ZBTB20: variants seen among roughly 807,000 people sequenced by gnomAD.
ZBTB20 encodes zinc finger and BTB domain-containing protein 20.
ZBTB20 carries 9 observed loss-of-function variants against 56.9 expected under a neutral mutation model. The observed-to-expected ratio is 0.16, with a 90% CI of 0.10 to 0.28. The LOEUF (loss-of-function observed/expected upper bound fraction) is 0.28. ZBTB20 is among the 10% of genes least tolerant of loss of function. The pLI is 1.00. For synonymous variants in ZBTB20, 417 were observed against 420.7 expected, an observed-to-expected ratio of 0.99 and a Z score of 0.11; for missense variants, 655 against 1,003.0, an observed-to-expected ratio of 0.65 and a Z score of 4.69.
chr3:114,504,951 C>G (rs1202635915), intron 6 of ZBTB20, among the ~76,000 whole-genome samples: 4 of 152,202 alleles, frequency 2.6e-5, no homozygotes. Flanking sequence ...CTAAATTACA[C>G]TACCTTTAGG....
rs1458797263 is a variant in ZBTB20, at chr3:114,315,449, A to T, written c.*23556T>A. The T allele has an allele frequency of 1.3e-5, 2 of 152,180 alleles. No individual in the cohort carries two copies. Among genetic ancestry groups the T allele is most frequent in the African/African-American group, 4.8e-5 (2 of 41,438 alleles). 9.4% of individuals were successfully genotyped at this position (152,180 alleles called of 1,614,324 possible). A position where few individuals can be genotyped will look rare whatever the true frequency, so the allele number is the denominator to read the frequency against. On this transcript the variant is annotated 3_prime_UTR_variant, in exon 12 of 12. Coordinates refer to ENST00000675478, the MANE Select transcript of ZBTB20 (RefSeq NM_001348800.3). ...ATAAACAGTGACACACAGACACTGGAAACACCACTTGAATGAATGAATGAA... is the reference window on the plus strand; with the variant it reads ...ATAAACAGTGACACACAGACACTGGTAACACCACTTGAATGAATGAATGAA...
intron 7 of ZBTB20, among the ~76,000 whole-genome samples, chr3:114,438,422 A>AG (rs2090671462): frequency 8.1e-6 from 1 of 123,928 alleles, no homozygotes; most frequent in Non-Finnish European, 1.7e-5. Flanking sequence ...TTGCCAAAAA[A>AG]AAACAAAAAA....
At chr3:115,104,443 A>G (rs1162955544) in intron 1 of ZBTB20, among the ~76,000 whole-genome samples, 1 of 152,270 alleles carries the variant, frequency 6.6e-6, no homozygotes, top group African/African-American at 2.4e-5. Flanking sequence ...GAAGAAATTA[A>G]TATGCCCATT....
At chr3:115,024,925 T>A (rs1017326728) in intron 2 of ZBTB20, among the ~76,000 whole-genome samples, 2 of 151,190 alleles carry the variant, frequency 1.3e-5, no homozygotes, top group Non-Finnish European at 3.0e-5. Flanking sequence ...TTTAAAATTA[T>A]AAAATTTGCC....
Position 114,680,320 on chromosome 3 carries a change from A to T in ZBTB20, c.-295+13208T>A, listed in dbSNP as rs192541626. 3.9e-3 allele frequency among the ~76,000 whole-genome samples: 598 copies of T among 152,342 alleles called. 19 individuals carry two copies. Among genetic ancestry groups the T allele is most frequent in the Admixed American group, 0.034 (519 of 15,300 alleles). On this transcript the variant is annotated intron_variant, in intron 6 of 11. Transcript: ENST00000675478. ...TTTTAAAAAATATGTGATAAAATAAAAAAAAGAATTAACCACAGTGCCTTG... is the reference window on the plus strand; with the variant it reads ...TTTTAAAAAATATGTGATAAAATAATAAAAAGAATTAACCACAGTGCCTTG...
At chr3:115,143,273 T>C (rs1397022196) in intron 1 of ZBTB20, among the ~76,000 whole-genome samples, 5 of 152,210 alleles carry the variant, frequency 3.3e-5, no homozygotes, top group African/African-American at 1.2e-4. Context: ...CAAATGCTTT[T>C]GAAAAAATGG....
At chr3:115,028,316 C>G (rs1196646698) in intron 2 of ZBTB20, among the ~76,000 whole-genome samples, 1 of 150,744 alleles carries the variant, frequency 6.6e-6, no homozygotes, top group Non-Finnish European at 1.5e-5. Context: ...GGCTACTGAG[C>G]ACTGTTACTT....
intron 4 of ZBTB20, among the ~76,000 whole-genome samples, chr3:114,854,177 C>T (rs1161104364): frequency 6.6e-6 from 1 of 152,118 alleles, no homozygotes; most frequent in Non-Finnish European, 1.5e-5. Flanking sequence ...AGCAATACTT[C>T]CTTTCTTGCA....
At chr3:114,534,287 G>A (rs1213737416) in intron 6 of ZBTB20, among the ~76,000 whole-genome samples, 1 of 152,024 alleles carries the variant, frequency 6.6e-6, no homozygotes, top group Non-Finnish European at 1.5e-5. Flanking sequence ...AAGGAATGGA[G>A]GAATATTTAC....
intron 6 of ZBTB20, chr3:114,519,632 A>C (rs1267437209): frequency 6.6e-6 from 1 of 152,194 alleles, no homozygotes; most frequent in East Asian, 1.9e-4. Flanking sequence ...GTGTTGTGGC[A>C]TGTTTCCCAG....
At position 115,076,687 on chromosome 3, in the gene ZBTB20, A is replaced by T. The variant is rs1055608783; in HGVS notation, c.-702-5273T>A. 3.7e-4 allele frequency among the ~76,000 whole-genome samples: 57 copies of T among 152,234 alleles called. 1 individual carries two copies. Among genetic ancestry groups the T allele is most frequent in the African/African-American group, 1.4e-3 (57 of 41,460 alleles). ...AGTACAGGCAACAAAAATAAAAATA[A>T]ACAGGTAAGACTATACATCTTGACT... On this transcript the variant is annotated intron_variant, in intron 1 of 11. Transcript: ENST00000675478.
At chr3:115,089,640 C>T (rs533710650) in intron 1 of ZBTB20, among the ~76,000 whole-genome samples, 17 of 151,872 alleles carry the variant, frequency 1.1e-4, no homozygotes, top group Middle Eastern at 6.8e-3. Flanking sequence ...ATAGAAAGAA[C>T]AGAGACTAAA....
chr3:114,965,028 A>G (rs368009824), intron 3 of ZBTB20, among the ~76,000 whole-genome samples: 5 of 152,228 alleles, frequency 3.3e-5, no homozygotes, highest in African/African-American at 1.2e-4. Context: ...AGATGGGATG[A>G]TAACATATTA....
intron 7 of ZBTB20, among the ~76,000 whole-genome samples, chr3:114,480,206 G>T (rs2041366586): frequency 6.6e-6 from 1 of 152,042 alleles, no homozygotes. Flanking sequence ...TCTCAGCACA[G>T]AAGTGATTTT....
In ZBTB20 at chr3:114,682,484, A is replaced by C. The variant is rs894941554; in HGVS notation, c.-295+11044T>G. On this transcript the variant is annotated intron_variant, in intron 6 of 11. Coordinates refer to ENST00000675478, the MANE Select transcript of ZBTB20 (RefSeq NM_001348800.3). ...TGTGAGATTTCACCCTCAGTGATAG[A>C]GCTGGAATAGAATTCGCACTCTTCA... Among the ~76,000 whole-genome samples, 17 of 152,316 alleles carry C rather than the reference A, an allele frequency of 1.1e-4. No homozygotes were observed. In the Middle Eastern group the frequency reaches 0.014, roughly 122 times the overall value.
chr3:114,343,110 CT>C (rs2079913193), intron 11 of ZBTB20, among the ~76,000 whole-genome samples: 1 of 150,574 alleles, frequency 6.6e-6, no homozygotes, highest in Admixed American at 6.6e-5. Context: ...CAAGGACCAG[CT>C]CTGACACTTA....
At chr3:114,381,195 A>G (rs2084296928) in intron 8 of ZBTB20, among the ~76,000 whole-genome samples, 1 of 152,198 alleles carries the variant, frequency 6.6e-6, no homozygotes, top group Non-Finnish European at 1.5e-5. Context: ...GGAAGGTGTC[A>G]TGCAGAGATT....
chr3:115,036,642 T>G (rs1242038200), intron 2 of ZBTB20, among the ~76,000 whole-genome samples: 1 of 152,130 alleles, frequency 6.6e-6, no homozygotes, highest in Non-Finnish European at 1.5e-5. Context: ...CTCGATCTCT[T>G]GACCTCATGA....
At chr3:115,118,781 C>A (rs139548874) in intron 1 of ZBTB20, among the ~76,000 whole-genome samples, 1,808 of 128,262 alleles carry the variant, frequency 0.014, 20 homozygotes, top group African/African-American at 0.041. Context: ...AGTGCAGTGG[C>A]GCGATCTCCA....
Sources: gnomAD v4.1 joint callset for allele counts (sites outside exome capture counted in the v4.1 genomes callset) on GRCh38, gnomAD v4.1.1 for gene constraint, MANE v1.5 for transcripts, NCBI Gene and HGNC (gene_info 2026-07-23, HGNC 2026-07-21) for gene names.